CUX1: variants seen among roughly 807,000 people sequenced by gnomAD.
The protein encoded by CUX1 is protein CASP.
CUX1 carries 31 observed loss-of-function variants against 158.8 expected under a neutral mutation model. The observed-to-expected ratio is 0.20, with a 90% confidence interval of 0.15 to 0.26. The LOEUF is 0.26. CUX1 is among the 10% of genes least tolerant of loss of function. The probability of loss-of-function intolerance (pLI) is 1.00; values close to 1 mark genes in which losing one functional copy is unlikely to be tolerated. For missense variants in CUX1, 1,589 were observed against 2,014.6 expected, an observed-to-expected ratio of 0.79 and a Z score of 4.04; for synonymous variants, 879 against 862.1, an observed-to-expected ratio of 1.02 and a Z score of -0.34.
intron 1 of CUX1, among the ~76,000 whole-genome samples, chr7:101,885,925 G>A (rs945385837): frequency 5.9e-5 from 9 of 152,144 alleles, no homozygotes; most frequent in Non-Finnish European, 4.4e-5. Context: ...TATTTTCACC[G>A]CCGTTTATAG....
chr7:102,280,876 TACCC>T, intron 20 of CUX1: 1 of 1,533,812 alleles, frequency 6.5e-7, no homozygotes, highest in Non-Finnish European at 8.9e-7. Context: ...TCCCTGCCCC[TACCC>T]ACCCCCTCCC....
chr7:102,039,544 A>G (rs1445221873), intron 3 of CUX1, among the ~76,000 whole-genome samples: 1 of 151,820 alleles, frequency 6.6e-6, no homozygotes, highest in Non-Finnish European at 1.5e-5. Flanking sequence ...AGTCCCAGCT[A>G]CTTGGGAGGC....
chr7:102,104,283 A>T, intron 5 of CUX1, 53 bp from the exon 6 acceptor site: 6 of 1,541,718 alleles, frequency 3.9e-6, no homozygotes, highest in Non-Finnish European at 4.4e-6. Flanking sequence ...ACCTACAGCC[A>T]TATGGAATTG....
intron 4 of CUX1, among the ~76,000 whole-genome samples, chr7:102,088,474 A>G (rs1345604750): frequency 6.6e-6 from 1 of 152,012 alleles, no homozygotes; most frequent in Non-Finnish European, 1.5e-5. Context: ...TCTCTACTAG[A>G]AAAACAAGAA....
At position 101,830,495 on chromosome 7, in the gene CUX1, T is replaced by C. The variant is rs191982833; in HGVS notation, c.30+12826T>C. Among the ~76,000 whole-genome samples, 230 of 152,298 alleles carry C rather than the reference T, an allele frequency of 1.5e-3. 1 individual carries two copies. The highest frequency in any genetic ancestry group is 5.4e-3 in the African/African-American group (224 of 41,574). ...GTTGTTTTGAGACAGGGTCTTGATC[T>C]GTTGTGGACTGCAGTGGTGGGATCA... is the stretch of plus-strand genomic sequence containing the variant. On this transcript the variant is annotated intron_variant, in intron 1 of 23. Coordinates refer to ENST00000292535, the MANE Select transcript of CUX1 (RefSeq NM_181552.4).
intron 15 of CUX1, chr7:102,274,096 C>A: frequency 2.8e-6 from 2 of 722,772 alleles, no homozygotes; most frequent in South Asian, 1.5e-5. Flanking sequence ...TGTCCAGGTC[C>A]GGGCCCTCCT....
At chr7:101,902,729 G>T (rs1802289501) in intron 1 of CUX1, among the ~76,000 whole-genome samples, 1 of 152,188 alleles carries the variant, frequency 6.6e-6, no homozygotes, top group Admixed American at 6.5e-5. Context: ...GTGGGGCAGT[G>T]CCATCGAGCT....
At chr7:101,944,798 C>T (rs1808179805) in intron 2 of CUX1, among the ~76,000 whole-genome samples, 1 of 152,216 alleles carries the variant, frequency 6.6e-6, no homozygotes, top group Admixed American at 6.5e-5. Context: ...CACCTCGGGC[C>T]ACCCAGGGAG....
intron 1 of CUX1, among the ~76,000 whole-genome samples, chr7:101,825,658 G>A (rs542818463): frequency 6.6e-6 from 1 of 152,256 alleles, no homozygotes; most frequent in South Asian, 2.1e-4. Flanking sequence ...GTCATTGTCA[G>A]GGGAGTAAGA....
chr7:102,234,918 A>G (rs1554532102), intron 22 of CUX1, among the ~76,000 whole-genome samples: 1 of 151,838 alleles, frequency 6.6e-6, no homozygotes, highest in East Asian at 1.9e-4. Flanking sequence ...CCATGACCCT[A>G]TCTCAAAAAA....
intron 21 of CUX1, 112 bp from the exon 22 acceptor site, chr7:102,233,940 C>T: frequency 1.2e-6 from 1 of 801,798 alleles, no homozygotes; most frequent in Non-Finnish European, 1.8e-6. Context: ...GTCACCAGCC[C>T]AACCCTGAGC....
In CUX1 at chr7:102,208,661, G is replaced by A. The variant is rs567766134; in HGVS notation, c.3130+3491G>A. On this transcript the variant is annotated intron_variant, in intron 20 of 23. Transcript: ENST00000292535. ...GACTGTGTCTCTGTGGAAGCTTCCAGCAGTGCTGCCCCTGAAGCAGGAGAG... is the reference window on the plus strand; with the variant it reads ...GACTGTGTCTCTGTGGAAGCTTCCAACAGTGCTGCCCCTGAAGCAGGAGAG... 3.9e-5 allele frequency among the ~76,000 whole-genome samples: 6 copies of A among 152,322 alleles called. No individual in the cohort carries two copies. The East Asian group carries it at 1.2e-3, about 29-fold the overall frequency.
chr7:101,994,218 C>T (rs1008470905), intron 2 of CUX1, among the ~76,000 whole-genome samples: 3 of 152,212 alleles, frequency 2.0e-5, no homozygotes, highest in Admixed American at 1.3e-4. Context: ...CAGTTGCCAC[C>T]GTTATTTCTC....
chr7:102,092,912 CAA>C (rs60587564), intron 4 of CUX1, among the ~76,000 whole-genome samples: 26 of 74,924 alleles, frequency 3.5e-4, no homozygotes, highest in South Asian at 5.2e-4. Context: ...GACTCCGTCT[CAA>C]AAAAAAAAAA....
At position 102,070,413 on chromosome 7, in the gene CUX1, C is replaced by T. The variant is rs1343333490; in HGVS notation, c.264C>T (p.Val88=). 1 of 1,606,930 alleles carries T rather than the reference C, an allele frequency of 6.2e-7. No homozygotes were observed. Residue 88 remains valine, a synonymous_variant, in exon 4 of 24, where the codon GTC becomes GTT. Coordinates refer to ENST00000292535, the MANE Select transcript of CUX1 (RefSeq NM_181552.4). ...ATGTCTACAAAAGATTGATTGACGT[C>T]CCAGGTAAGCCCCGGCAGTAATGGC... is the stretch of plus-strand genomic sequence containing the variant. ...FLNVYKRLID[V]PDPVPALDLG...
intron 2 of CUX1, among the ~76,000 whole-genome samples, chr7:101,983,641 G>T (rs1813778044): frequency 6.6e-6 from 1 of 152,212 alleles, no homozygotes; most frequent in Admixed American, 6.5e-5. Flanking sequence ...GAAGCTTCCA[G>T]TCATGATGGA....
At position 101,952,336 on chromosome 7, in the gene CUX1, G is replaced by A. The variant is rs191748594; in HGVS notation, c.141+36111G>A. On this transcript the variant is annotated intron_variant, in intron 2 of 23. Transcript: ENST00000292535. ...GTTGGAGCTGCAGTGAGCCGTGATT[G>A]CGCCACTGCACTCCAGCCTGGGTGA... Among the ~76,000 whole-genome samples, 1,285 of 152,296 alleles carry A rather than the reference G, an allele frequency of 8.4e-3. 9 individuals carry two copies. Among genetic ancestry groups the A allele is most frequent in the South Asian group, 0.017 (84 of 4,830 alleles).
chr7:102,138,156 C>T (rs574333363), intron 8 of CUX1, among the ~76,000 whole-genome samples: 1 of 152,338 alleles, frequency 6.6e-6, no homozygotes, highest in African/African-American at 2.4e-5. Context: ...TGCACCCCAG[C>T]CTGGGCAACA....
intron 10 of CUX1, 54 bp downstream of exon 10, chr7:102,170,604 G>C: frequency 8.2e-7 from 1 of 1,220,398 alleles, no homozygotes; most frequent in Non-Finnish European, 1.2e-6. Flanking sequence ...CCGCACCTTC[G>C]AGTTACAGCC....
Sources: allele counts gnomAD v4.1 joint callset (sites outside exome capture counted in the v4.1 genomes callset), GRCh38; gene constraint gnomAD v4.1.1; transcripts MANE v1.5; gene names NCBI Gene and HGNC (gene_info 2026-07-23, HGNC 2026-07-21).